Variants in DCHS2 observed in about 807,000 individuals in gnomAD.
The protein encoded by DCHS2 is dachsous cadherin-related 2, also known as protocadherin-23.
DCHS2 carries 142 observed loss-of-function variants against 182.4 expected under a neutral mutation model. That is an observed-to-expected ratio of 0.78 (90% CI 0.68 to 0.89). The LOEUF is 0.89. DCHS2 is among the 40% of genes least tolerant of loss of function. The pLI is 0.00. For synonymous variants in DCHS2, 1,740 were observed against 1,663.3 expected (o/e 1.05, Z -1.12); for missense variants, 4,319 against 4,198.6 (o/e 1.03, Z -0.79).
intron 16 of DCHS2, among the ~76,000 whole-genome samples, chr4:154,250,321 C>T (rs956048145): frequency 2.6e-5 from 4 of 152,114 alleles, no homozygotes; most frequent in East Asian, 1.9e-4. Flanking sequence ...TCCTATTTAT[C>T]GGCCGAATCC....
intron 1 of DCHS2, among the ~76,000 whole-genome samples, chr4:154,430,105 G>T (rs1733497173): frequency 6.6e-6 from 1 of 152,196 alleles, no homozygotes; most frequent in Non-Finnish European, 1.5e-5. Context: ...TTAGCACTTT[G>T]GGACCTAAGT....
At chr4:154,280,831 T>C (rs1235933139) in intron 13 of DCHS2, among the ~76,000 whole-genome samples, 5 of 149,712 alleles carry the variant, frequency 3.3e-5, no homozygotes, top group Admixed American at 6.7e-5. Flanking sequence ...CTCACTTCTT[T>C]TTTTTTTTTT....
intron 1 of DCHS2, among the ~76,000 whole-genome samples, chr4:154,410,932 C>A (rs1399020599): frequency 6.6e-6 from 1 of 152,134 alleles, no homozygotes; most frequent in African/African-American, 2.4e-5. Context: ...AGTGAATTTC[C>A]AGCAGTAACC....
chr4:154,288,495 A>T (rs981424920), intron 13 of DCHS2, among the ~76,000 whole-genome samples: 9 of 152,200 alleles, frequency 5.9e-5, no homozygotes, highest in Non-Finnish European at 1.2e-4. Context: ...CACATTCAGC[A>T]TTGGATATAT....
chr4:154,364,485 G>A (rs1730260216), intron 3 of DCHS2, among the ~76,000 whole-genome samples: 1 of 152,204 alleles, frequency 6.6e-6, no homozygotes, highest in Non-Finnish European at 1.5e-5. Context: ...TTTTGAAAAA[G>A]CTGAGATTAA....
intron 1 of DCHS2, among the ~76,000 whole-genome samples, chr4:154,434,245 C>A (rs546499337): frequency 1.3e-5 from 2 of 152,058 alleles, no homozygotes; most frequent in Non-Finnish European, 2.9e-5. Flanking sequence ...TAGAGTAAGA[C>A]CCTGTCACTA....
chr4:154,282,610 G>T (rs750548332), intron 13 of DCHS2, among the ~76,000 whole-genome samples: 4 of 152,030 alleles, frequency 2.6e-5, no homozygotes, highest in Non-Finnish European at 5.9e-5. Context: ...ATGGAACATA[G>T]TACAGAGGTT....
At chr4:154,290,248 C>T (rs1406549413) in intron 13 of DCHS2, among the ~76,000 whole-genome samples, 1 of 151,848 alleles carries the variant, frequency 6.6e-6, no homozygotes, top group Admixed American at 6.6e-5. Context: ...CAGTGAAAGA[C>T]TTCTGCAATG....
chr4:154,319,469 C>T (rs1222869844), intron 9 of DCHS2, among the ~76,000 whole-genome samples: 2 of 151,286 alleles, frequency 1.3e-5, no homozygotes, highest in Non-Finnish European at 3.0e-5. Context: ...TAAAAAAACT[C>T]CTACAACTAA....
rs1561040202 is a variant in DCHS2, at chr4:154,321,733, TA to T, written c.4177-512del. On this transcript the variant is annotated intron_variant, in intron 8 of 19. Transcript: ENST00000357232. ...AATTTGGAAACAGAGTTCTTGTGGATATATATCCTTGGTTATTGTATATACC... is the reference window on the plus strand; with the variant it reads ...AATTTGGAAACAGAGTTCTTGTGGATTATATCCTTGGTTATTGTATATACC... Among the ~76,000 whole-genome samples the T allele has an allele frequency of 2.6e-5, 4 of 152,336 alleles. No individual in the cohort carries two copies. The South Asian group carries it at 8.3e-4, about 32-fold the overall frequency.
Position 154,425,551 on chromosome 4 carries a change from G to A in DCHS2, c.2053-48107C>T, listed in dbSNP as rs113361487. Among the ~76,000 whole-genome samples the A allele has an allele frequency of 1.9e-3, 284 of 152,314 alleles. 3 individuals carry two copies. Among genetic ancestry groups the A allele is most frequent in the African/African-American group, 6.7e-3 (280 of 41,564 alleles). On this transcript the variant is annotated intron_variant, in intron 1 of 19. Coordinates refer to ENST00000357232, the MANE Select transcript of DCHS2 (RefSeq NM_001358235.2). ...CCAGAGCTGTGAAACTGACATGGTA[G>A]TTAGCTCATTTGGAGATCTCAGCCT... is the stretch of plus-strand genomic sequence containing the variant.
In DCHS2 at chr4:154,239,308, G is replaced by C. The variant is rs780687294; in HGVS notation, c.7360-6C>G. On this transcript the variant is annotated splice_region_variant and splice_polypyrimidine_tract_variant and intron_variant, in intron 18 of 19. Transcript: ENST00000357232. ...ATTGATTCAGGAACTGTGACCTGAG[G>C]GAAAAAGAGAAAAATAGGGACATTG... is the stretch of plus-strand genomic sequence containing the variant. The C allele has an allele frequency of 1.2e-6, 2 of 1,610,746 alleles. No homozygotes were observed. Among genetic ancestry groups the C allele is most frequent in the African/African-American group, 1.3e-5 (1 of 74,732 alleles).
In DCHS2 at chr4:154,333,142, C is replaced by T. The variant is rs1187151515; in HGVS notation, c.3066G>A (p.Gln1022=). The T allele has an allele frequency of 6.2e-7, 1 of 1,614,190 alleles. No homozygotes were observed. The highest frequency in any genetic ancestry group is 8.5e-7 in the Non-Finnish European group (1 of 1,180,044). ...GLIRYSIASP[Q]PGVFAIDRAL... Reference sequence around the variant, plus strand: ...CTCTGTCGATGGCAAAGACGCCTGGCTGCGGGCTGGCGATGGAGTACCGGA... The same window carrying T: ...CTCTGTCGATGGCAAAGACGCCTGGTTGCGGGCTGGCGATGGAGTACCGGA... Residue 1022 remains glutamine (Q), a synonymous_variant, in exon 5 of 20, where the codon CAG becomes CAA. Transcript: ENST00000357232.
At chr4:154,260,058 G>A (rs571800074) in intron 14 of DCHS2, among the ~76,000 whole-genome samples, 15 of 152,196 alleles carry the variant, frequency 9.9e-5, no homozygotes, top group South Asian at 2.1e-4. Flanking sequence ...TCCTGACCTC[G>A]TGATTCACCT....
chr4:154,234,295 T>A lies in DCHS2; in HGVS notation c.*241A>T. 2.2e-6 allele frequency: 1 copy of A among 451,278 alleles called. No homozygotes were observed. The highest frequency in any genetic ancestry group is 3.8e-6 in the Non-Finnish European group (1 of 262,904). The allele number at this position is 451,278 out of a possible 1,614,324, so 28.0% of individuals were successfully genotyped here. The stretch of plus-strand genomic sequence containing the variant: ...ACAACAGGTCTGACAGAATATACAC[T>A]ACTTAATATATACAAATGTGAGTCC... On this transcript the variant is annotated 3_prime_UTR_variant, in exon 20 of 20. Coordinates refer to ENST00000357232, the MANE Select transcript of DCHS2 (RefSeq NM_001358235.2).
chr4:154,414,487 CTTTTTTTTT>C (rs375818839), intron 1 of DCHS2, among the ~76,000 whole-genome samples: 3 of 73,756 alleles, frequency 4.1e-5, no homozygotes, highest in Non-Finnish European at 8.7e-5. Flanking sequence ...ATACAGCTTT[CTTTTTTTTT>C]TTTTTTTTTT....
intron 1 of DCHS2, among the ~76,000 whole-genome samples, chr4:154,486,142 G>A (rs1213805638): frequency 2.0e-5 from 3 of 152,178 alleles, no homozygotes; most frequent in East Asian, 1.9e-4. Flanking sequence ...CTACAATGTT[G>A]TAAAAACCTT....
intron 1 of DCHS2, among the ~76,000 whole-genome samples, chr4:154,437,924 C>T (rs779751373): frequency 6.6e-6 from 1 of 152,150 alleles, no homozygotes; most frequent in South Asian, 2.1e-4. Flanking sequence ...GTAATCCCAA[C>T]ACTTCGGAAG....
chr4:154,362,524 G>A (rs1040308711), intron 3 of DCHS2, among the ~76,000 whole-genome samples: 1 of 152,136 alleles, frequency 6.6e-6, no homozygotes, highest in Non-Finnish European at 1.5e-5. Flanking sequence ...CATATGATGG[G>A]AGCAAGAAAG....
Sources: gnomAD v4.1 joint callset for allele counts (sites outside exome capture counted in the v4.1 genomes callset) on GRCh38, gnomAD v4.1.1 for gene constraint, MANE v1.5 for transcripts, NCBI Gene and HGNC (gene_info 2026-07-23, HGNC 2026-07-21) for gene names.